Variants in ANKFN1 observed in about 807,000 individuals in gnomAD.
The protein encoded by ANKFN1 is ankyrin repeat and fibronectin type-III domain-containing protein 1.
In ANKFN1, 74 loss-of-function variants were observed where a neutral mutation model predicts 108.7. The observed-to-expected ratio is 0.68, with a 90% CI of 0.56 to 0.83. ANKFN1 has a LOEUF of 0.83. Ranked by LOEUF, ANKFN1 falls within the 40% of genes least tolerant of loss-of-function variation. The pLI, the probability that ANKFN1 is intolerant of heterozygous loss-of-function variation, is 0.00. For missense variants in ANKFN1, 1,505 were observed against 1,382.3 expected, an observed-to-expected ratio of 1.09 and a Z score of -1.41; for synonymous variants, 547 against 516.2, an observed-to-expected ratio of 1.06 and a Z score of -0.81.
At position 56,351,372 on chromosome 17, in the gene ANKFN1, T is replaced by C. The variant is rs149199193; in HGVS notation, c.390+405T>C. Among the ~76,000 whole-genome samples, 59 of 150,040 alleles carry C rather than the reference T, an allele frequency of 3.9e-4. 1 individual carries two copies. In the Middle Eastern group the frequency reaches 0.02, roughly 52 times the overall value. Reference sequence around the variant, plus strand: ...ACATTCTTTCCAAAGGCATTCAAAATAGAATCCAAAGAATGCACATGTATT... The same window carrying C: ...ACATTCTTTCCAAAGGCATTCAAAACAGAATCCAAAGAATGCACATGTATT... On this transcript the variant is annotated intron_variant, in intron 5 of 20. Coordinates refer to ENST00000682825, the MANE Select transcript of ANKFN1 (RefSeq NM_001370326.1).
At chr17:56,059,467 T>G (rs1199077931) in intron 4 of ANKFN1, among the ~76,000 whole-genome samples, 1 of 152,226 alleles carries the variant, frequency 6.6e-6, no homozygotes, top group Admixed American at 6.5e-5. Flanking sequence ...TGGCTTTTGT[T>G]GCAATTGCTT....
intron 8 of ANKFN1, among the ~76,000 whole-genome samples, chr17:56,409,489 C>T (rs767504021): frequency 2.6e-5 from 4 of 152,208 alleles, no homozygotes; most frequent in East Asian, 1.9e-4. Context: ...AAGAACAACA[C>T]GGAGATGACT....
At position 56,264,054 on chromosome 17, in the gene ANKFN1, G is replaced by C. The variant is rs186224386; in HGVS notation, c.53+36097G>C. 1.4e-3 allele frequency among the ~76,000 whole-genome samples: 217 copies of C among 152,320 alleles called. 1 individual carries two copies. Among genetic ancestry groups the C allele is most frequent in the African/African-American group, 5.0e-3 (206 of 41,578 alleles). On this transcript the variant is annotated intron_variant, in intron 3 of 20. Transcript: ENST00000682825. ...CTTTCCAGACAGGTAATACAGTACT[G>C]TAGTCCCACTGAAGATAACATAGAG...
At chr17:56,054,154 A>C (rs1305088368) in intron 4 of ANKFN1, among the ~76,000 whole-genome samples, 1 of 152,206 alleles carries the variant, frequency 6.6e-6, no homozygotes, top group Non-Finnish European at 1.5e-5. Flanking sequence ...CTATGGAAAA[A>C]CAGTATGGAG....
intron 1 of ANKFN1, among the ~76,000 whole-genome samples, chr17:56,208,702 A>G (rs535240588): frequency 6.6e-6 from 1 of 152,248 alleles, no homozygotes; most frequent in Admixed American, 6.5e-5. Context: ...TTATAGTCCA[A>G]TACAAATTTT....
chr17:56,163,231 G>A lies in ANKFN1; in HGVS notation c.-71+9701G>A, dbSNP rs193264284. Among the ~76,000 whole-genome samples the A allele has an allele frequency of 5.3e-4, 81 of 151,944 alleles. 1 individual carries two copies. The highest frequency in any genetic ancestry group is 3.5e-3 in the Admixed American group (54 of 15,236). The stretch of plus-strand genomic sequence containing the variant: ...AAAGTTGGTAAAACCCTTTCTAACC[G>A]AGGTGCCAGTTTTGCCTATAACATT... On this transcript the variant is annotated intron_variant, in intron 1 of 20. Transcript: ENST00000682825.
chr17:56,454,961 G>A (rs905591684), intron 11 of ANKFN1, among the ~76,000 whole-genome samples: 2 of 152,152 alleles, frequency 1.3e-5, no homozygotes, highest in African/African-American at 4.8e-5. Flanking sequence ...TATCTGTCCA[G>A]TCATGTAGTA....
At chr17:56,113,749 T>A (rs1210218552) in intron 4 of ANKFN1, among the ~76,000 whole-genome samples, 1 of 152,176 alleles carries the variant, frequency 6.6e-6, no homozygotes, top group East Asian at 1.9e-4. Context: ...ATATTACTAT[T>A]GTTATCATAA....
intron 1 of ANKFN1, among the ~76,000 whole-genome samples, chr17:56,164,600 A>G (rs897206375): frequency 1.3e-5 from 2 of 152,238 alleles, no homozygotes; most frequent in Non-Finnish European, 1.5e-5. Context: ...CTTTCTTAAT[A>G]TCAACAATCT....
chr17:56,401,097 A>G (rs1265862555), intron 8 of ANKFN1, among the ~76,000 whole-genome samples: 2 of 152,116 alleles, frequency 1.3e-5, no homozygotes, highest in African/African-American at 4.8e-5. Flanking sequence ...CATGAATTTT[A>G]TAATTGCTTT....
intron 8 of ANKFN1, among the ~76,000 whole-genome samples, chr17:56,405,119 G>A (rs2047881841): frequency 1.3e-5 from 2 of 152,200 alleles, no homozygotes; most frequent in East Asian, 3.8e-4. Context: ...GTGGTTTAAC[G>A]CTCTATTTTT....
At chr17:56,243,697 A>G (rs1917749991) in intron 3 of ANKFN1, among the ~76,000 whole-genome samples, 1 of 151,454 alleles carries the variant, frequency 6.6e-6, no homozygotes, top group African/African-American at 2.4e-5. Context: ...CTTCACCTTC[A>G]CCCCCATCCC....
At chr17:56,503,111 A>G (rs1206844679) in intron 20 of ANKFN1, among the ~76,000 whole-genome samples, 2 of 145,294 alleles carry the variant, frequency 1.4e-5, no homozygotes, top group African/African-American at 2.6e-5. Context: ...TTTTCTGTGG[A>G]TATAGTGGTC....
chr17:56,464,704 A>C (rs1363366402), intron 14 of ANKFN1, among the ~76,000 whole-genome samples: 1 of 152,146 alleles, frequency 6.6e-6, no homozygotes, highest in East Asian at 1.9e-4. Flanking sequence ...ATCGAGCTTG[A>C]GGGTTTACAA....
chr17:56,433,251 A>G (rs1359110169), intron 8 of ANKFN1, among the ~76,000 whole-genome samples: 1 of 152,160 alleles, frequency 6.6e-6, no homozygotes, highest in Admixed American at 6.5e-5. Context: ...TGCAGTTTCC[A>G]TGTAAATGTT....
intron 18 of ANKFN1, among the ~76,000 whole-genome samples, chr17:56,486,703 A>C (rs934895341): frequency 6.6e-6 from 1 of 152,240 alleles, no homozygotes; most frequent in African/African-American, 2.4e-5. Context: ...TACACTAAGC[A>C]TTTCTGAGAA....
intron 4 of ANKFN1, among the ~76,000 whole-genome samples, chr17:56,332,023 C>T (rs2045677254): frequency 6.6e-6 from 1 of 152,132 alleles, no homozygotes. Context: ...AAATTATCTA[C>T]TGGCTACTGA....
intron 16 of ANKFN1, among the ~76,000 whole-genome samples, chr17:56,479,785 G>A (rs1405069291): frequency 6.6e-6 from 1 of 152,194 alleles, no homozygotes; most frequent in African/African-American, 2.4e-5. Context: ...CCTGAGAGGA[G>A]GGCTTTCCTT....
chr17:56,442,818 G>T, intron 9 of ANKFN1, 25 bp from the exon 10 acceptor site: 1 of 1,602,174 alleles, frequency 6.2e-7, no homozygotes, highest in South Asian at 1.1e-5. Context: ...TAAAATGCCT[G>T]ATGCATCATT....
Sources: allele counts gnomAD v4.1 joint callset (sites outside exome capture counted in the v4.1 genomes callset), GRCh38; gene constraint gnomAD v4.1.1; transcripts MANE v1.5; gene names NCBI Gene and HGNC (gene_info 2026-07-23, HGNC 2026-07-21).